ZBTB7C: variants seen among roughly 807,000 people sequenced by gnomAD.
ZBTB7C encodes zinc finger and BTB domain-containing protein 7C.
Under a neutral mutation model 25.7 loss-of-function variants are expected in ZBTB7C, and 8 were observed. That is an observed-to-expected ratio of 0.31 (90% CI 0.18 to 0.56). ZBTB7C has a LOEUF of 0.56. Among genes scored for constraint, ZBTB7C ranks in the 20% least tolerant of loss-of-function variants. The pLI is 0.91. For synonymous variants in ZBTB7C, 394 were observed against 369.0 expected (o/e 1.07, Z -0.78); for missense variants, 824 against 855.2 (o/e 0.96, Z 0.46).
At chr18:48,222,847 C>G (rs1312795184) in intron 2 of ZBTB7C, among the ~76,000 whole-genome samples, 1 of 152,196 alleles carries the variant, frequency 6.6e-6, no homozygotes, top group African/African-American at 2.4e-5. Context: ...AGCCTTGCCT[C>G]CTATGCTCTG....
At chr18:48,071,566 G>A (rs1327463106) in intron 3 of ZBTB7C, among the ~76,000 whole-genome samples, 2 of 152,242 alleles carry the variant, frequency 1.3e-5, no homozygotes. Context: ...TGCAGCTGCT[G>A]TGGCAAACGC....
upstream of ZBTB7C, among the ~76,000 whole-genome samples, chr18:48,410,458 G>A (rs910321607): frequency 1.3e-5 from 2 of 152,118 alleles, no homozygotes; most frequent in Non-Finnish European, 2.9e-5. Flanking sequence ...TCCCCGCCCC[G>A]TCCCGCCGGG....
chr18:48,195,493 C>T (rs887674269), intron 2 of ZBTB7C, among the ~76,000 whole-genome samples: 7 of 152,340 alleles, frequency 4.6e-5, no homozygotes, highest in Non-Finnish European at 1.0e-4. Flanking sequence ...TCCTCCTTTG[C>T]CTTTTGCCAT....
chr18:48,313,310 A>G (rs2045866572), intron 2 of ZBTB7C, among the ~76,000 whole-genome samples: 1 of 152,222 alleles, frequency 6.6e-6, no homozygotes, highest in Admixed American at 6.5e-5. Flanking sequence ...CAGAGGCCTC[A>G]GGCCAGCAAG....
chr18:48,154,925 A>G (rs1055339641), intron 3 of ZBTB7C, among the ~76,000 whole-genome samples: 1 of 152,234 alleles, frequency 6.6e-6, no homozygotes, highest in Non-Finnish European at 1.5e-5. Flanking sequence ...TCAAGTCTGC[A>G]TAATAGGAAC....
intron 2 of ZBTB7C, among the ~76,000 whole-genome samples, chr18:48,333,838 A>G (rs1403326724): frequency 6.6e-6 from 1 of 152,056 alleles, no homozygotes; most frequent in Non-Finnish European, 1.5e-5. Context: ...CATTAACCCA[A>G]CCACACACAG....
rs58569472 is a variant in ZBTB7C, at chr18:48,367,347, C to CATATATATATAT, written c.-303-28961_-303-28950dup. Among the ~76,000 whole-genome samples the CATATATATATAT allele has an allele frequency of 8.0e-3, 357 of 44,760 alleles. 2 individuals carry two copies. The highest frequency in any genetic ancestry group is 0.017 in the African/African-American group (289 of 17,062). The allele number at this position is 44,760 out of a possible 152,430, so 29.4% of individuals were successfully genotyped here. ...GTGTATATATATACATATATGTGTG[C>CATATATATATAT]ATATATATATATATATATATATATA... is the stretch of plus-strand genomic sequence containing the variant. On this transcript the variant is annotated intron_variant, in intron 1 of 4. Transcript: ENST00000590800.
chr18:48,407,497 T>C (rs1189976155), intron 1 of ZBTB7C, among the ~76,000 whole-genome samples: 2 of 152,206 alleles, frequency 1.3e-5, no homozygotes, highest in African/African-American at 4.8e-5. Flanking sequence ...GAGGCCATGA[T>C]GGGCTTGGGG....
intron 3 of ZBTB7C, among the ~76,000 whole-genome samples, chr18:48,081,436 C>T (rs998997662): frequency 6.7e-6 from 1 of 149,556 alleles, no homozygotes; most frequent in African/African-American, 2.5e-5. Context: ...TAAATGATTT[C>T]TTTTTTCTTT....
At chr18:48,039,132 T>C (rs959393636) in intron 4 of ZBTB7C, among the ~76,000 whole-genome samples, 3 of 152,224 alleles carry the variant, frequency 2.0e-5, no homozygotes, top group African/African-American at 7.2e-5. Context: ...GTTTATAATG[T>C]ATTGATTTCA....
At position 48,147,761 on chromosome 18, in the gene ZBTB7C, G is replaced by A. The variant is rs562207279; in HGVS notation, c.-17+38173C>T. Reference sequence around the variant, plus strand: ...CTCTGGAGTAGCTGGGATTACAGACGTGCCACCACGCCTGGCTAATTGTTG... The same window carrying A: ...CTCTGGAGTAGCTGGGATTACAGACATGCCACCACGCCTGGCTAATTGTTG... On this transcript the variant is annotated intron_variant, in intron 3 of 4. Coordinates refer to ENST00000590800, the MANE Select transcript of ZBTB7C (RefSeq NM_001318841.2). 2.6e-3 allele frequency: 383 copies of A among 149,734 alleles called. 2 individuals carry two copies. Among genetic ancestry groups the A allele is most frequent in the Middle Eastern group, 7.6e-3 (2 of 264 alleles). The allele number at this position is 149,734 out of a possible 1,614,324, so 9.3% of individuals were successfully genotyped here.
intron 3 of ZBTB7C, among the ~76,000 whole-genome samples, chr18:48,068,688 T>A (rs889654940): frequency 1.6e-4 from 24 of 152,054 alleles, no homozygotes; most frequent in Admixed American, 1.5e-3. Flanking sequence ...GAAATGCAAA[T>A]TCCCTGGGCC....
intron 2 of ZBTB7C, among the ~76,000 whole-genome samples, chr18:48,316,507 T>A (rs953059164): frequency 5.9e-5 from 9 of 152,234 alleles, no homozygotes; most frequent in Non-Finnish European, 1.3e-4. Context: ...TGGGTTCTAG[T>A]GGGAGGTGTT....
At chr18:48,227,132 C>T (rs1203185471) in intron 2 of ZBTB7C, among the ~76,000 whole-genome samples, 1 of 152,190 alleles carries the variant, frequency 6.6e-6, no homozygotes, top group Admixed American at 6.5e-5. Context: ...TCTTCTCAAG[C>T]CCCAAGGAGA....
intron 2 of ZBTB7C, among the ~76,000 whole-genome samples, chr18:48,221,293 T>C (rs1376483706): frequency 1.3e-5 from 2 of 151,024 alleles, no homozygotes; most frequent in African/African-American, 4.9e-5. Context: ...GTCTCCTCTA[T>C]ACTGTCCCAG....
At chr18:48,360,816 A>G (rs1245630756) in intron 1 of ZBTB7C, among the ~76,000 whole-genome samples, 1 of 152,146 alleles carries the variant, frequency 6.6e-6, no homozygotes, top group African/African-American at 2.4e-5. Flanking sequence ...GGTAGATAAG[A>G]TGCAGCAGCT....
chr18:48,084,101 C>A (rs1418157435), intron 3 of ZBTB7C, among the ~76,000 whole-genome samples: 1 of 152,180 alleles, frequency 6.6e-6, no homozygotes, highest in African/African-American at 2.4e-5. Context: ...GGGTGGGTGT[C>A]CCACTGTGCT....
intron 2 of ZBTB7C, among the ~76,000 whole-genome samples, chr18:48,320,869 C>T (rs560633271): frequency 3.3e-5 from 5 of 152,216 alleles, no homozygotes; most frequent in Admixed American, 6.5e-5. Flanking sequence ...ACCATCTGTG[C>T]GGCCAGGGGG....
intron 2 of ZBTB7C, among the ~76,000 whole-genome samples, chr18:48,278,525 T>C (rs2044736593): frequency 6.6e-6 from 1 of 151,982 alleles, no homozygotes; most frequent in Non-Finnish European, 1.5e-5. Flanking sequence ...AACCTCCGCC[T>C]CCTGGGTTCA....
Sources: allele counts gnomAD v4.1 joint callset (sites outside exome capture counted in the v4.1 genomes callset), GRCh38; gene constraint gnomAD v4.1.1; transcripts MANE v1.5; gene names NCBI Gene and HGNC (gene_info 2026-07-23, HGNC 2026-07-21).